The following MIPOL1 variants were observed in gnomAD, a reference collection of about 807,000 sequenced individuals.
MIPOL1 encodes the protein mirror-image polydactyly gene 1 protein.
In MIPOL1, 57 loss-of-function variants were observed where a neutral mutation model predicts 60.9. The ratio of observed to expected loss-of-function variants is 0.94; its 90% CI spans 0.76 to 1.17. The LOEUF is 1.17. MIPOL1 is among the 50% of genes most tolerant of loss of function. The probability of loss-of-function intolerance (pLI) is 0.00; values close to 1 mark genes in which losing one functional copy is unlikely to be tolerated. For missense variants in MIPOL1, 551 were observed against 511.6 expected, an observed-to-expected ratio of 1.08 and a Z score of -0.74; for synonymous variants, 179 against 168.8, an observed-to-expected ratio of 1.06 and a Z score of -0.47.
intron 11 of MIPOL1, among the ~76,000 whole-genome samples, chr14:37,427,711 C>A (rs1024278592): frequency 6.6e-6 from 1 of 151,908 alleles, no homozygotes; most frequent in South Asian, 2.1e-4. Context: ...ATGAAAAAAA[C>A]CAAGCTTAAG....
intron 9 of MIPOL1, among the ~76,000 whole-genome samples, chr14:37,334,349 G>T (rs2089954658): frequency 2.0e-5 from 3 of 151,746 alleles, no homozygotes; most frequent in Admixed American, 2.0e-4. Flanking sequence ...TCTTAAAAAA[G>T]AATGAAATGG....
chr14:37,219,517 A>G (rs760000320), intron 1 of MIPOL1: 1 of 152,302 alleles, frequency 6.6e-6, no homozygotes, highest in East Asian at 1.9e-4. Flanking sequence ...GGCGTGTGCC[A>G]CCATGCCTGC....
intron 7 of MIPOL1, among the ~76,000 whole-genome samples, chr14:37,303,901 G>T (rs997134660): frequency 6.6e-6 from 1 of 151,732 alleles, no homozygotes; most frequent in Non-Finnish European, 1.5e-5. Context: ...GAGTCTAGGA[G>T]TTCAGGTAGG....
chr14:37,201,000 T>C (rs1403743602), intron 1 of MIPOL1, among the ~76,000 whole-genome samples: 2 of 150,786 alleles, frequency 1.3e-5, no homozygotes, highest in East Asian at 3.9e-4. Flanking sequence ...CCTCCTGGGC[T>C]GAAGTGATCC....
chr14:37,466,268 C>T lies in MIPOL1; in HGVS notation c.1032-33640C>T, dbSNP rs191860633. Among the ~76,000 whole-genome samples the T allele has an allele frequency of 1.7e-4, 26 of 152,214 alleles. No individual in the cohort carries two copies. The East Asian group carries it at 4.8e-3, about 28-fold the overall frequency. On this transcript the variant is annotated intron_variant, in intron 11 of 12. Transcript: ENST00000684589. ...GAAGTTTGGTGGTTGTTATTTTTCC[C>T]TCTTATGTTTAAGTGACAAAGTACT...
chr14:37,393,050 C>T (rs1462973201), intron 10 of MIPOL1, among the ~76,000 whole-genome samples: 2 of 151,860 alleles, frequency 1.3e-5, no homozygotes, highest in African/African-American at 2.4e-5. Flanking sequence ...AAAATTTGGA[C>T]ACAGATACAA....
chr14:37,540,603 C>G (rs1009909762), intron 12 of MIPOL1, among the ~76,000 whole-genome samples: 6 of 151,846 alleles, frequency 4.0e-5, no homozygotes, highest in African/African-American at 1.5e-4. Context: ...GTGCTTCCTC[C>G]CCTCCCCATC....
chr14:37,540,365 T>C (rs960631304), intron 12 of MIPOL1, among the ~76,000 whole-genome samples: 3 of 152,234 alleles, frequency 2.0e-5, no homozygotes, highest in African/African-American at 7.2e-5. Flanking sequence ...TTACATGTAC[T>C]TTTGTGAGCA....
intron 9 of MIPOL1, among the ~76,000 whole-genome samples, chr14:37,341,958 A>C (rs1440865653): frequency 6.6e-6 from 1 of 152,236 alleles, no homozygotes; most frequent in African/African-American, 2.4e-5. Context: ...TGGTATAATA[A>C]TATCTAACTC....
chr14:37,207,491 G>A (rs188663560), intron 1 of MIPOL1, among the ~76,000 whole-genome samples: 8 of 152,034 alleles, frequency 5.3e-5, no homozygotes, highest in Admixed American at 3.9e-4. Context: ...TATCAGAAAA[G>A]CTTTAATCTG....
chr14:37,423,800 T>C (rs1391912586), intron 11 of MIPOL1: 1 of 152,162 alleles, frequency 6.6e-6, no homozygotes, highest in African/African-American at 2.4e-5. Flanking sequence ...TAAGTTTTAC[T>C]GAAGTACAAT....
intron 9 of MIPOL1, among the ~76,000 whole-genome samples, chr14:37,356,310 A>G (rs2091819865): frequency 1.3e-5 from 2 of 151,718 alleles, no homozygotes; most frequent in African/African-American, 4.8e-5. Flanking sequence ...CTCTCTTCAA[A>G]GCTGTCAGAC....
At chr14:37,437,736 A>G (rs1433472783) in intron 11 of MIPOL1, among the ~76,000 whole-genome samples, 2 of 152,306 alleles carry the variant, frequency 1.3e-5, no homozygotes, top group East Asian at 3.9e-4. Context: ...TAAGAATTGT[A>G]ATTATACCTG....
At chr14:37,237,881 G>A (rs1356284586) in intron 1 of MIPOL1, among the ~76,000 whole-genome samples, 1 of 152,140 alleles carries the variant, frequency 6.6e-6, no homozygotes, top group African/African-American at 2.4e-5. Flanking sequence ...GCTTGGTTAA[G>A]TCCTGCTCAC....
At chr14:37,281,440 T>A (rs2084095809) in intron 6 of MIPOL1, among the ~76,000 whole-genome samples, 1 of 152,228 alleles carries the variant, frequency 6.6e-6, no homozygotes, top group Admixed American at 6.5e-5. Flanking sequence ...AGTCTTGCTC[T>A]GTCGCCCAGG....
chr14:37,479,065 G>A (rs1044534707), intron 11 of MIPOL1, among the ~76,000 whole-genome samples: 3 of 152,084 alleles, frequency 2.0e-5, no homozygotes, highest in Admixed American at 6.6e-5. Context: ...AGCAGGGGAC[G>A]TCAATATACC....
intron 11 of MIPOL1, among the ~76,000 whole-genome samples, chr14:37,497,712 A>T (rs1431080040): frequency 6.6e-6 from 1 of 152,178 alleles, no homozygotes; most frequent in Non-Finnish European, 1.5e-5. Context: ...AGACAATACG[A>T]AGAGAATGAA....
chr14:37,208,754 C>T (rs563476684), intron 1 of MIPOL1, among the ~76,000 whole-genome samples: 109 of 152,174 alleles, frequency 7.2e-4, no homozygotes, highest in Non-Finnish European at 1.1e-3. Context: ...CCACCATGCC[C>T]GGCTAATTTT....
chr14:37,484,916 A>G (rs1244388689), intron 11 of MIPOL1, among the ~76,000 whole-genome samples: 1 of 152,122 alleles, frequency 6.6e-6, no homozygotes, highest in Admixed American at 6.6e-5. Context: ...ACATAGGTAT[A>G]TACATGCCAT....
Sources: allele counts gnomAD v4.1 joint callset (sites outside exome capture counted in the v4.1 genomes callset), GRCh38; gene constraint gnomAD v4.1.1; transcripts MANE v1.5; gene names NCBI Gene and HGNC (gene_info 2026-07-23, HGNC 2026-07-21).